ADCYAP1R1: variants seen among roughly 807,000 people sequenced by gnomAD.
The protein encoded by ADCYAP1R1 is pituitary adenylate cyclase-activating polypeptide type I receptor.
A neutral mutation model predicts 67.6 loss-of-function variants in ADCYAP1R1; 44 were observed. That is an observed-to-expected ratio of 0.65 (90% CI 0.51 to 0.84). ADCYAP1R1 has a LOEUF of 0.84. Ranked by LOEUF, ADCYAP1R1 falls within the 40% of genes least tolerant of loss-of-function variation. The probability of loss-of-function intolerance (pLI) is 0.00; values close to 1 mark genes in which losing one functional copy is unlikely to be tolerated. For synonymous variants in ADCYAP1R1, 222 were observed against 219.6 expected (o/e 1.01, Z -0.10); for missense variants, 477 against 587.9 (o/e 0.81, Z 1.95).
intron 3 of ADCYAP1R1, among the ~76,000 whole-genome samples, chr7:31,067,702 C>A (rs767800057): frequency 6.6e-6 from 1 of 152,170 alleles, no homozygotes; most frequent in African/African-American, 2.4e-5. Context: ...GGGCGCAGCA[C>A]CAGCCATGGG....
At chr7:31,053,664 A>G (rs1191569652) in intron 1 of ADCYAP1R1, among the ~76,000 whole-genome samples, 2 of 152,090 alleles carry the variant, frequency 1.3e-5, no homozygotes, top group African/African-American at 2.4e-5. Flanking sequence ...GACCATTTTT[A>G]TGTTTTTGAG....
chr7:31,086,880 A>T lies in ADCYAP1R1; in HGVS notation c.824-63A>T. 1 of 1,547,880 alleles carries T rather than the reference A, an allele frequency of 6.5e-7. No homozygotes were observed. Among genetic ancestry groups the T allele is most frequent in the Non-Finnish European group, 8.9e-7 (1 of 1,119,758 alleles). ...AATAGCCTCTCGGAGCCCCAGGTCT[A>T]CGGTGGACATTGGACATGTTGGTTT... is the stretch of plus-strand genomic sequence containing the variant. On this transcript the variant is annotated intron_variant, in intron 10 of 15. Transcript: ENST00000304166. This position sits in a 1 kb window ranked among gnomAD's most constrained non-coding sequence, Gnocchi z 5.0.
chr7:31,085,308 A>G lies in ADCYAP1R1; in HGVS notation c.537-2A>G. 1 of 1,613,032 alleles carries G rather than the reference A, an allele frequency of 6.2e-7. No individual in the cohort carries two copies. Among genetic ancestry groups the G allele is most frequent in the Non-Finnish European group, 8.5e-7 (1 of 1,179,528 alleles). On this transcript the variant is annotated splice_acceptor_variant, in intron 8 of 15. Coordinates refer to ENST00000304166, the MANE Select transcript of ADCYAP1R1 (RefSeq NM_001118.5). LOFTEE classifies it high-confidence loss of function. ...TCTTTCTCCCCTGGCCCACTCATGT[A>G]GGAAGCTGCACTGCACACGCAACTT...
chr7:31,110,588 CAA>C lies in ADCYAP1R1; in HGVS notation c.*3906_*3907del, dbSNP rs897418542. ...CTGCACATGAGCAGAATGTGACACT[CAA>C]AGCATCCATGCAGTACGCATGTAAC... On this transcript the variant is annotated 3_prime_UTR_variant, in exon 16 of 16. Transcript: ENST00000304166. The C allele has an allele frequency of 6.6e-6, 1 of 152,470 alleles. No individual in the cohort carries two copies. Among genetic ancestry groups the C allele is most frequent in the Non-Finnish European group, 1.5e-5 (1 of 68,040 alleles). The allele number at this position is 152,470 out of a possible 1,614,324, so 9.4% of individuals were successfully genotyped here.
At chr7:31,053,151 G>A (rs1301550458) in intron 1 of ADCYAP1R1, among the ~76,000 whole-genome samples, 1 of 152,120 alleles carries the variant, frequency 6.6e-6, no homozygotes, top group Non-Finnish European at 1.5e-5. Context: ...ACCGCAATCC[G>A]CACGGGGTTT....
chr7:31,097,742 G>C (rs907181611), intron 13 of ADCYAP1R1, among the ~76,000 whole-genome samples: 1 of 152,150 alleles, frequency 6.6e-6, no homozygotes, highest in Non-Finnish European at 1.5e-5. Flanking sequence ...AAAGAAAGCA[G>C]GGCTGCAGAG....
chr7:31,103,543 G>T (rs771797633), intron 14 of ADCYAP1R1, among the ~76,000 whole-genome samples, 177 bp downstream of exon 14: 7 of 152,198 alleles, frequency 4.6e-5, no homozygotes, highest in Non-Finnish European at 7.4e-5. Context: ...ACACACTGGT[G>T]TCTGCCCATC....
chr7:31,070,981 A>G (rs1158099079), intron 3 of ADCYAP1R1, among the ~76,000 whole-genome samples: 3 of 152,224 alleles, frequency 2.0e-5, no homozygotes, highest in Non-Finnish European at 4.4e-5. Flanking sequence ...TTCATGGAAC[A>G]GAAACATTGG....
At chr7:31,070,932 A>T (rs1174835106) in intron 3 of ADCYAP1R1, among the ~76,000 whole-genome samples, 2 of 152,184 alleles carry the variant, frequency 1.3e-5, no homozygotes, top group African/African-American at 4.8e-5. Flanking sequence ...CTTTAGTCCT[A>T]TGCCACCCCC....
chr7:31,052,408 G>T lies in ADCYAP1R1; in HGVS notation c.-342G>T. On this transcript the variant is annotated 5_prime_UTR_variant, in exon 1 of 16. Transcript: ENST00000304166. ...CCGCGCCGCGCGGGGCGGGCAAAGG[G>T]GGCGCTGCGCTCGGCCCCGGGCAGG... 6.7e-6 allele frequency: 1 copy of T among 150,210 alleles called. No individual in the cohort carries two copies. Among genetic ancestry groups the T allele is most frequent in the South Asian group, 2.1e-4 (1 of 4,872 alleles). 9.3% of individuals were successfully genotyped at this position (150,210 alleles called of 1,614,324 possible). A position where few individuals can be genotyped will look rare whatever the true frequency, so the allele number is the denominator to read the frequency against.
chr7:31,105,193 C>T (rs923417793), intron 15 of ADCYAP1R1, among the ~76,000 whole-genome samples: 2 of 152,230 alleles, frequency 1.3e-5, no homozygotes, highest in African/African-American at 4.8e-5. Context: ...CTCTGCTGAG[C>T]GCAGATCTCC....
At chr7:31,092,589 A>G (rs1330819785) in intron 12 of ADCYAP1R1, 55 bp from the exon 13 acceptor site, 3 of 1,418,632 alleles carry the variant, frequency 2.1e-6, no homozygotes. Context: ...TGGGGAAATA[A>G]TAGCATCTTT....
intron 1 of ADCYAP1R1, among the ~76,000 whole-genome samples, chr7:31,060,946 A>G (rs1407933224): frequency 6.6e-6 from 1 of 152,230 alleles, no homozygotes; most frequent in Non-Finnish European, 1.5e-5. Context: ...ACCACAGCTG[A>G]GAGCTTCTGA....
At chr7:31,081,777 AC>A in intron 6 of ADCYAP1R1, 23 bp downstream of exon 6, 1 of 1,584,964 alleles carries the variant, frequency 6.3e-7, no homozygotes, top group South Asian at 1.2e-5. Flanking sequence ...GCTGGGGTTG[AC>A]CATGGACTGG....
At chr7:31,080,706 C>T in intron 5 of ADCYAP1R1, 73 bp downstream of exon 5, 1 of 1,522,412 alleles carries the variant, frequency 6.6e-7, no homozygotes, top group South Asian at 1.1e-5. Flanking sequence ...TCAGGAGATC[C>T]CAGGCTCCGG....
intron 3 of ADCYAP1R1, among the ~76,000 whole-genome samples, chr7:31,071,334 A>G (rs1027376581): frequency 1.3e-5 from 2 of 152,134 alleles, no homozygotes; most frequent in African/African-American, 2.4e-5. Flanking sequence ...TCTTAGGTGG[A>G]AGCAGCTAGG....
At chr7:31,069,245 T>C (rs1346287875) in intron 3 of ADCYAP1R1, among the ~76,000 whole-genome samples, 2 of 152,032 alleles carry the variant, frequency 1.3e-5, no homozygotes, top group Non-Finnish European at 2.9e-5. Flanking sequence ...ACTAGCTGAG[T>C]CAAATCTGAG....
intron 5 of ADCYAP1R1, among the ~76,000 whole-genome samples, 180 bp from the exon 6 acceptor site, chr7:31,081,533 T>G (rs571963137): frequency 6.6e-6 from 1 of 152,240 alleles, no homozygotes; most frequent in South Asian, 2.1e-4. Context: ...AGAGTGGTGT[T>G]AGAAGGTGTA....
chr7:31,071,369 C>A (rs1424344583), intron 3 of ADCYAP1R1, among the ~76,000 whole-genome samples: 5 of 152,190 alleles, frequency 3.3e-5, no homozygotes, highest in African/African-American at 1.2e-4. Context: ...CACTCCCCGA[C>A]CCACCCCTGG....
Sources: gnomAD v4.1 joint callset for allele counts (sites outside exome capture counted in the v4.1 genomes callset) on GRCh38, gnomAD v4.1.1 for gene constraint, Gnocchi (gnomAD v3.1) non-coding constraint, MANE v1.5 for transcripts, NCBI Gene and HGNC (gene_info 2026-07-23, HGNC 2026-07-21) for gene names.